The following KCNIP1 variants were observed in gnomAD, a reference collection of about 807,000 sequenced individuals.
KCNIP1 encodes potassium voltage-gated channel interacting protein 1, also known as A-type potassium channel modulatory protein KCNIP1.
KCNIP1 carries 18 observed loss-of-function variants against 33.0 expected under a neutral mutation model. That is an observed-to-expected ratio of 0.55 (90% CI 0.38 to 0.81). KCNIP1 has a LOEUF of 0.81. Ranked by LOEUF, KCNIP1 falls within the 30% of genes least tolerant of loss-of-function variation. KCNIP1 has a pLI of 0.00. For missense variants in KCNIP1, 238 were observed against 271.6 expected, an observed-to-expected ratio of 0.88 and a Z score of 0.87; for synonymous variants, 93 against 98.3, an observed-to-expected ratio of 0.95 and a Z score of 0.32.
At chr5:170,398,929 C>A (rs1754827520) in intron 1 of KCNIP1, among the ~76,000 whole-genome samples, 1 of 152,176 alleles carries the variant, frequency 6.6e-6, no homozygotes, top group East Asian at 1.9e-4. Flanking sequence ...AGAGTGGATT[C>A]TTGGATCTCA....
chr5:170,421,319 C>A (rs566095256), intron 1 of KCNIP1, among the ~76,000 whole-genome samples: 1 of 152,188 alleles, frequency 6.6e-6, no homozygotes, highest in African/African-American at 2.4e-5. Flanking sequence ...TTCTTTCACA[C>A]CCAGTTTCGC....
In KCNIP1 at chr5:170,382,940, C is replaced by CAAGGAAGGAAGGAAGG. The variant is rs60329523; in HGVS notation, c.88+28989_88+29004dup. 4.6e-5 allele frequency: 6 copies of CAAGGAAGGAAGGAAGG among 131,156 alleles called. No individual in the cohort carries two copies. In the East Asian group the frequency reaches 1.1e-3, roughly 25 times the overall value. The allele number at this position is 131,156 out of a possible 1,614,324, so 8.1% of individuals were successfully genotyped here. On this transcript the variant is annotated intron_variant, in intron 1 of 7. Coordinates refer to the KCNIP1 transcript ENST00000377360. ...TAAATGAGAGGAGGAAAGAAGGAAA[C>CAAGGAAGGAAGGAAGG]AAGGAAGGAAGGAAGGAAGGAAGGA...
In KCNIP1 at chr5:170,679,626, AGTGT is replaced by A. The variant is rs58712710; in HGVS notation, c.62-39099_62-39096del. 7.5e-3 allele frequency among the ~76,000 whole-genome samples: 1,080 copies of A among 144,462 alleles called. 4 individuals are homozygous for A. Among genetic ancestry groups the A allele is most frequent in the Middle Eastern group, 0.014 (4 of 284 alleles). The allele number at this position is 144,462 out of a possible 152,430, so 94.8% of individuals were successfully genotyped here. ...TTTGGAAATATTTTATGTATATGAC[AGTGT>A]GTGTGTGTGTGTGTGTGTGTGTGTG... On this transcript the variant is annotated intron_variant, in intron 1 of 7. Transcript: ENST00000328939.
intron 1 of KCNIP1, among the ~76,000 whole-genome samples, chr5:170,655,874 A>G (rs1412160360): frequency 2.0e-5 from 3 of 152,190 alleles, no homozygotes; most frequent in Non-Finnish European, 4.4e-5. Context: ...TCATTGACCA[A>G]TGGTTCGGCC....
At chr5:170,644,912 A>G (rs1268245463) in intron 1 of KCNIP1, among the ~76,000 whole-genome samples, 4 of 152,226 alleles carry the variant, frequency 2.6e-5, no homozygotes, top group African/African-American at 7.2e-5. Flanking sequence ...TGAGTCAGGC[A>G]TCCAACCTCT....
intron 1 of KCNIP1, among the ~76,000 whole-genome samples, chr5:170,577,002 G>T (rs373095302): frequency 6.6e-6 from 1 of 152,172 alleles, no homozygotes; most frequent in Non-Finnish European, 1.5e-5. Flanking sequence ...CTGCTCTATG[G>T]GTGGGGGAAA....
At chr5:170,361,626 G>A (rs1052429506) in intron 1 of KCNIP1, among the ~76,000 whole-genome samples, 7 of 152,056 alleles carry the variant, frequency 4.6e-5, no homozygotes, top group African/African-American at 9.7e-5. Flanking sequence ...ACAAAGACAC[G>A]GTGGCTTATC....
intron 1 of KCNIP1, among the ~76,000 whole-genome samples, chr5:170,508,689 CTA>C (rs1203801225): frequency 2.2e-4 from 33 of 152,290 alleles, no homozygotes; most frequent in African/African-American, 7.5e-4. Flanking sequence ...CCCTTTAATT[CTA>C]TAATGCTCTC....
intron 1 of KCNIP1, among the ~76,000 whole-genome samples, chr5:170,623,720 TC>T (rs1759703264): frequency 6.6e-6 from 1 of 152,168 alleles, no homozygotes; most frequent in African/African-American, 2.4e-5. Context: ...TTATCAAGGC[TC>T]TGCAAAATGG....
At chr5:170,726,250 C>T (rs951315679) in intron 5 of KCNIP1, among the ~76,000 whole-genome samples, 17 of 152,176 alleles carry the variant, frequency 1.1e-4, no homozygotes, top group African/African-American at 4.1e-4. Flanking sequence ...TAAAGACTGG[C>T]ATCCAAAATA....
chr5:170,629,562 G>A (rs1424845288), intron 1 of KCNIP1, among the ~76,000 whole-genome samples: 1 of 152,188 alleles, frequency 6.6e-6, no homozygotes, highest in Non-Finnish European at 1.5e-5. Context: ...CCAGCACACT[G>A]TCCTTTCTCC....
intron 1 of KCNIP1, among the ~76,000 whole-genome samples, chr5:170,670,754 G>A (rs1303631124): frequency 2.0e-5 from 3 of 152,114 alleles, no homozygotes; most frequent in Non-Finnish European, 4.4e-5. Flanking sequence ...TTAGCCAGGT[G>A]TGGTGATGCA....
chr5:170,360,686 A>G (rs1763484781), intron 1 of KCNIP1, among the ~76,000 whole-genome samples: 1 of 152,208 alleles, frequency 6.6e-6, no homozygotes, highest in African/African-American at 2.4e-5. Context: ...AAATGTGCCA[A>G]CAATGGAAAT....
At chr5:170,467,171 A>G (rs1159055755) in intron 1 of KCNIP1, among the ~76,000 whole-genome samples, 1 of 152,204 alleles carries the variant, frequency 6.6e-6, no homozygotes, top group Non-Finnish European at 1.5e-5. Context: ...CAGTGTAGAC[A>G]GCTTCTGAAA....
intron 1 of KCNIP1, among the ~76,000 whole-genome samples, chr5:170,643,082 TA>T (rs1290732836): frequency 1.3e-5 from 2 of 152,200 alleles, no homozygotes; most frequent in Admixed American, 1.3e-4. Context: ...AGGTGGGTTC[TA>T]AATGTCATCA....
intron 1 of KCNIP1, among the ~76,000 whole-genome samples, chr5:170,679,626 AGTGTGTGTGTGTGT>A (rs58712710): frequency 6.2e-5 from 9 of 144,500 alleles, no homozygotes; most frequent in Non-Finnish European, 1.1e-4. Context: ...TGTATATGAC[AGTGTGTGTGTGTGT>A]GTGTGTGTGT....
intron 1 of KCNIP1, chr5:170,483,918 C>G (rs1757028906): frequency 6.6e-6 from 1 of 152,210 alleles, no homozygotes; most frequent in African/African-American, 2.4e-5. Context: ...ACTTAGACAG[C>G]CTGGGGGAAT....
Position 170,504,034 on chromosome 5 carries a change from G to A in KCNIP1, c.-539G>A. On this transcript the variant is annotated 5_prime_UTR_variant, in exon 1 of 8. Transcript: ENST00000328939. The surrounding 1 kb of genome is among the most constrained non-coding windows in gnomAD (Gnocchi z 6.0). ...TCCGCCGCTCCGACTCTCGCCCCGA[G>A]CGCTGGCAGCAGGCAGCAGGCAGCA... 1.0e-6 allele frequency: 1 copy of A among 982,282 alleles called. No individual in the cohort carries two copies. The highest frequency in any genetic ancestry group is 1.2e-6 in the Non-Finnish European group (1 of 829,672). The allele number at this position is 982,282 out of a possible 1,614,324, so 60.8% of individuals were successfully genotyped here. A position where few individuals can be genotyped will look rare whatever the true frequency, so the allele number is the denominator to read the frequency against.
chr5:170,393,136 C>A (rs765520912), intron 1 of KCNIP1, among the ~76,000 whole-genome samples: 2 of 152,166 alleles, frequency 1.3e-5, no homozygotes, highest in Non-Finnish European at 2.9e-5. Flanking sequence ...GACTCCACAG[C>A]CCGTCCCTGC....
Sources: gnomAD v4.1 joint callset for allele counts (sites outside exome capture counted in the v4.1 genomes callset) on GRCh38, gnomAD v4.1.1 for gene constraint, Gnocchi (gnomAD v3.1) non-coding constraint, MANE v1.5 for transcripts, NCBI Gene and HGNC (gene_info 2026-07-23, HGNC 2026-07-21) for gene names.